INTU: variants seen among roughly 807,000 people sequenced by gnomAD.
INTU encodes protein inturned.
In INTU, 68 loss-of-function variants were observed where a neutral mutation model predicts 100.5. The observed-to-expected ratio is 0.68, with a 90% CI of 0.56 to 0.83. The LOEUF is 0.83. INTU is among the 40% of genes least tolerant of loss of function. The pLI, the probability that INTU is intolerant of heterozygous loss-of-function variation, is 0.00. For missense variants in INTU, 1,071 were observed against 1,114.7 expected, an observed-to-expected ratio of 0.96 and a Z score of 0.56; for synonymous variants, 357 against 395.7, an observed-to-expected ratio of 0.90 and a Z score of 1.16.
At chr4:127,662,085 C>G (rs1007746659) in intron 3 of INTU, among the ~76,000 whole-genome samples, 3 of 152,066 alleles carry the variant, frequency 2.0e-5, no homozygotes, top group Non-Finnish European at 4.4e-5. Flanking sequence ...TGTATATCTT[C>G]TTTTGACAAA....
chr4:127,717,947 C>T lies in INTU; in HGVS notation c.*1511C>T, dbSNP rs1444287227. 6.6e-6 allele frequency: 1 copy of T among 152,160 alleles called. No homozygotes were observed. Among genetic ancestry groups the T allele is most frequent in the Non-Finnish European group, 1.5e-5 (1 of 68,024 alleles). The allele number at this position is 152,160 out of a possible 1,614,324, so 9.4% of individuals were successfully genotyped here. A position where few individuals can be genotyped will look rare whatever the true frequency, so the allele number is the denominator to read the frequency against. The stretch of plus-strand genomic sequence containing the variant: ...TCCCACTCTGTAGGTTGCCTGTTCA[C>T]TCTGATGATAGTTTCTTTTGCTGTG... On this transcript the variant is annotated 3_prime_UTR_variant, in exon 16 of 16. Transcript: ENST00000335251.
In INTU at chr4:127,706,424, G is replaced by A; in HGVS notation, c.1789-63G>A. 4 of 1,380,164 alleles carry A rather than the reference G, an allele frequency of 2.9e-6. No individual in the cohort carries two copies. The South Asian group carries it at 5.5e-5, about 19-fold the overall frequency. The allele number at this position is 1,380,164 out of a possible 1,614,324, so 85.5% of individuals were successfully genotyped here. ...CTTCGATATTTATAAGTTTATACAT[G>A]CACATTTTATGTAAATATTTTCATG... On this transcript the variant is annotated intron_variant, in intron 11 of 15. Transcript: ENST00000335251.
At chr4:127,654,484 C>G (rs1440659036) in intron 2 of INTU, among the ~76,000 whole-genome samples, 2 of 152,086 alleles carry the variant, frequency 1.3e-5, no homozygotes, top group African/African-American at 2.4e-5. Context: ...GCTTATGAAG[C>G]TTAGTTTGGC....
chr4:127,679,621 T>G (rs901884177), intron 6 of INTU, among the ~76,000 whole-genome samples: 2 of 152,156 alleles, frequency 1.3e-5, no homozygotes, highest in South Asian at 2.1e-4. Flanking sequence ...GAGGGAAATT[T>G]ATAGCACTAA....
At chr4:127,664,961 A>G (rs915965535) in intron 4 of INTU, among the ~76,000 whole-genome samples, 2 of 151,690 alleles carry the variant, frequency 1.3e-5, no homozygotes, top group East Asian at 3.8e-4. Flanking sequence ...TTCTTGCTAT[A>G]TACTCTTTCT....
intron 4 of INTU, among the ~76,000 whole-genome samples, chr4:127,664,693 G>T (rs1410388096): frequency 6.6e-6 from 1 of 151,774 alleles, no homozygotes; most frequent in Admixed American, 6.6e-5. Flanking sequence ...TAATATCATA[G>T]AGCTTTATTT....
rs1487537419 is a variant in INTU, at chr4:127,700,100, T to A, written c.1503+37T>A. The A allele has an allele frequency of 7.6e-6, 11 of 1,456,494 alleles. No homozygotes were observed. The East Asian group carries it at 2.1e-4, about 27-fold the overall frequency. 90.2% of individuals were successfully genotyped at this position (1,456,494 alleles called of 1,614,324 possible). On this transcript the variant is annotated intron_variant, in intron 9 of 15. Coordinates refer to ENST00000335251, the MANE Select transcript of INTU (RefSeq NM_015693.4). ...AGTGGATTTTATAAAAGGCTCAATG[T>A]TGAATTATTTTGTATAACAGTCATT...
intron 2 of INTU, among the ~76,000 whole-genome samples, chr4:127,652,989 A>G (rs1386918095): frequency 6.7e-6 from 1 of 150,230 alleles, no homozygotes; most frequent in East Asian, 2.0e-4. Flanking sequence ...TTTCTTCTAG[A>G]TTTTCTAGTT....
chr4:127,639,229 C>G (rs554068328), intron 1 of INTU, among the ~76,000 whole-genome samples: 1 of 152,190 alleles, frequency 6.6e-6, no homozygotes, highest in South Asian at 2.1e-4. Context: ...ATTGTATTGT[C>G]TGCTTAGTCT....
intron 2 of INTU, among the ~76,000 whole-genome samples, chr4:127,649,372 G>T (rs1727729347): frequency 6.6e-6 from 1 of 152,112 alleles, no homozygotes; most frequent in African/African-American, 2.4e-5. Flanking sequence ...AGACAGTCTA[G>T]AACAAAGACT....
chr4:127,697,408 T>C (rs918695452), intron 8 of INTU, among the ~76,000 whole-genome samples: 1 of 152,136 alleles, frequency 6.6e-6, no homozygotes, highest in Non-Finnish European at 1.5e-5. Context: ...ATTTGACTCC[T>C]CTTATCTGTG....
At position 127,714,061 on chromosome 4, in the gene INTU, A is replaced by G; in HGVS notation, c.2685A>G (p.Lys895=). The change falls in exon 15 of 16, where the codon AAA becomes AAG. Residue 895 remains lysine (K), a synonymous_variant. Coordinates refer to ENST00000335251, the MANE Select transcript of INTU (RefSeq NM_015693.4). ...CSPGNWTDQK[K]APPVMAYWVV... ...CTGGAAACTGGACTGATCAGAAAAA[A>G]GCACCACCAGTTATGGCTTACTGGG... is the stretch of plus-strand genomic sequence containing the variant. The G allele has an allele frequency of 6.2e-7, 1 of 1,613,458 alleles. No homozygotes were observed. Among genetic ancestry groups the G allele is most frequent in the Non-Finnish European group, 8.5e-7 (1 of 1,179,728 alleles).
intron 6 of INTU, among the ~76,000 whole-genome samples, chr4:127,677,361 C>T (rs1482911831): frequency 6.8e-6 from 1 of 148,094 alleles, no homozygotes; most frequent in Middle Eastern, 3.4e-3. Flanking sequence ...CCAGTAGGGG[C>T]AGACTGACAC....
intron 4 of INTU, among the ~76,000 whole-genome samples, chr4:127,665,967 A>G (rs1275878606): frequency 6.6e-6 from 1 of 152,124 alleles, no homozygotes; most frequent in African/African-American, 2.4e-5. Flanking sequence ...AATCTATTTG[A>G]AGATAGTATC....
At chr4:127,700,480 A>AC in intron 9 of INTU, among the ~76,000 whole-genome samples, 1 of 152,312 alleles carries the variant, frequency 6.6e-6, no homozygotes, top group South Asian at 2.1e-4. Flanking sequence ...AGCGATAAGT[A>AC]CCACTAATAC....
At chr4:127,701,248 A>G (rs570012513) in intron 9 of INTU, among the ~76,000 whole-genome samples, 16 of 152,310 alleles carry the variant, frequency 1.1e-4, no homozygotes, top group Admixed American at 9.2e-4. Flanking sequence ...CAAATACTGC[A>G]GGACACTTTC....
At chr4:127,668,998 GA>G in intron 4 of INTU, 37 bp from the exon 5 acceptor site, 2 of 947,832 alleles carry the variant, frequency 2.1e-6, no homozygotes, top group South Asian at 1.7e-5. Context: ...ATAATGGTTG[GA>G]AAATTGGGTG....
chr4:127,666,208 G>A (rs115457791), intron 4 of INTU, among the ~76,000 whole-genome samples: 4,331 of 152,018 alleles, frequency 0.028, 171 homozygotes, highest in African/African-American at 0.094. Context: ...ATCCCCGATC[G>A]TCTCTTGTTG....
At position 127,722,855 on chromosome 4, in the gene INTU, A is replaced by C. The variant is rs2148745893; in HGVS notation, c.*6419A>C. On this transcript the variant is annotated 3_prime_UTR_variant, in exon 16 of 16. Transcript: ENST00000335251. Reference sequence around the variant, plus strand: ...AGCTGGTGGGGGAGGATTCCAAGCCAGTGGGTTTTAGCTTATAGAGTTCTG... The same window carrying C: ...AGCTGGTGGGGGAGGATTCCAAGCCCGTGGGTTTTAGCTTATAGAGTTCTG... The C allele has an allele frequency of 6.6e-6, 1 of 152,350 alleles. No individual in the cohort carries two copies. Among genetic ancestry groups the C allele is most frequent in the East Asian group, 1.9e-4 (1 of 5,170 alleles). The allele number at this position is 152,350 out of a possible 1,614,324, so 9.4% of individuals were successfully genotyped here. A position where few individuals can be genotyped will look rare whatever the true frequency, so the allele number is the denominator to read the frequency against.
Sources: gnomAD v4.1 joint callset for allele counts (sites outside exome capture counted in the v4.1 genomes callset) on GRCh38, gnomAD v4.1.1 for gene constraint, MANE v1.5 for transcripts, NCBI Gene and HGNC (gene_info 2026-07-23, HGNC 2026-07-21) for gene names.